Variants in DAB1 observed in about 807,000 individuals in gnomAD.
DAB1 encodes the protein DAB adaptor protein 1, also known as disabled homolog 1.
A neutral mutation model predicts 64.6 loss-of-function variants in DAB1; 15 were observed. The observed-to-expected ratio is 0.23, with a 90% CI of 0.16 to 0.36. The LOEUF is 0.36. DAB1 is among the 10% of genes least tolerant of loss of function. The probability of loss-of-function intolerance (pLI) is 1.00; values close to 1 mark genes in which losing one functional copy is unlikely to be tolerated. For synonymous variants in DAB1, 235 were observed against 251.9 expected, an observed-to-expected ratio of 0.93 and a Z score of 0.64; for missense variants, 596 against 706.7, an observed-to-expected ratio of 0.84 and a Z score of 1.78.
chr1:58,139,131 A>C (rs1229989905), intron 5 of DAB1, among the ~76,000 whole-genome samples: 2 of 152,152 alleles, frequency 1.3e-5, no homozygotes, highest in East Asian at 3.9e-4. Flanking sequence ...GAGAGACCAG[A>C]GCACGAAAAC....
intron 5 of DAB1, among the ~76,000 whole-genome samples, chr1:58,119,848 T>C (rs1282355548): frequency 1.3e-5 from 2 of 152,154 alleles, no homozygotes; most frequent in African/African-American, 2.4e-5. Context: ...GATGCTCCTA[T>C]TTATTTAGTA....
At chr1:58,346,368 C>T (rs749879165) in intron 3 of DAB1, among the ~76,000 whole-genome samples, 29 of 152,196 alleles carry the variant, frequency 1.9e-4, no homozygotes, top group Non-Finnish European at 3.8e-4. Context: ...TGCCGGTGCT[C>T]GTTATTTCAT....
At chr1:57,240,475 G>A (rs1016559020) in intron 2 of DAB1, among the ~76,000 whole-genome samples, 25 of 152,076 alleles carry the variant, frequency 1.6e-4, no homozygotes, top group African/African-American at 5.6e-4. Flanking sequence ...ATCCATATAC[G>A]TCTAGACATA....
At chr1:58,471,847 G>A (rs1281175191) in intron 3 of DAB1, among the ~76,000 whole-genome samples, 1 of 152,062 alleles carries the variant, frequency 6.6e-6, no homozygotes, top group Non-Finnish European at 1.5e-5. Flanking sequence ...AGAAGCTGAT[G>A]CCACCATGCT....
chr1:58,260,563 T>G (rs1307470677), intron 4 of DAB1, among the ~76,000 whole-genome samples: 2 of 152,216 alleles, frequency 1.3e-5, no homozygotes, highest in Non-Finnish European at 2.9e-5. Flanking sequence ...GGCTAGCCAC[T>G]GTTGACCTCC....
chr1:57,404,131 C>A (rs941572564), intron 1 of DAB1, among the ~76,000 whole-genome samples: 3 of 151,788 alleles, frequency 2.0e-5, no homozygotes, highest in Non-Finnish European at 4.4e-5. Flanking sequence ...CTTTAATATA[C>A]AAAGAGAAGG....
intron 2 of DAB1, among the ~76,000 whole-genome samples, chr1:57,276,956 T>G (rs1349476714): frequency 6.6e-6 from 1 of 151,412 alleles, no homozygotes; most frequent in East Asian, 1.9e-4. Context: ...GAAGGAAAGG[T>G]GGAAGGAAAG....
chr1:57,508,742 A>T (rs1365585698), intron 7 of DAB1, among the ~76,000 whole-genome samples: 2 of 152,184 alleles, frequency 1.3e-5, no homozygotes, highest in Non-Finnish European at 2.9e-5. Context: ...ATTCATTTGT[A>T]TGTGAAGCTT....
intron 1 of DAB1, chr1:58,534,307 T>C: frequency 1.2e-6 from 1 of 855,986 alleles, no homozygotes. Context: ...TCAGTTAGCA[T>C]ATCATTTTTA....
At chr1:57,237,293 C>T (rs1328093372) in intron 2 of DAB1, among the ~76,000 whole-genome samples, 3 of 152,126 alleles carry the variant, frequency 2.0e-5, no homozygotes, top group Non-Finnish European at 4.4e-5. Flanking sequence ...ACAACCTGTC[C>T]CCATGGGGAG....
intron 1 of DAB1, among the ~76,000 whole-genome samples, chr1:57,325,423 T>C (rs1264260333): frequency 6.6e-6 from 1 of 152,218 alleles, no homozygotes; most frequent in Non-Finnish European, 1.5e-5. Context: ...TTCTGAACTT[T>C]GGTTTCTCCA....
At chr1:57,186,713 C>A (rs932761903) in intron 2 of DAB1, among the ~76,000 whole-genome samples, 2 of 152,196 alleles carry the variant, frequency 1.3e-5, no homozygotes, top group Admixed American at 1.3e-4. Context: ...ATTTTTCTTC[C>A]AGTACCCACT....
chr1:58,488,285 T>C (rs1484252821), intron 3 of DAB1, among the ~76,000 whole-genome samples: 3 of 152,338 alleles, frequency 2.0e-5, no homozygotes, highest in East Asian at 3.9e-4. Context: ...AATTTTACTA[T>C]ACTATGTTCT....
chr1:57,582,190 A>G (rs1645321486), intron 7 of DAB1, among the ~76,000 whole-genome samples: 1 of 152,224 alleles, frequency 6.6e-6, no homozygotes, highest in Admixed American at 6.5e-5. Context: ...GAGCCTGGAT[A>G]GTTTATAAAC....
chr1:57,069,345 C>A lies in DAB1; in HGVS notation c.663+15G>T, dbSNP rs753651181. 1 of 1,609,060 alleles carries A rather than the reference C, an allele frequency of 6.2e-7. No individual in the cohort carries two copies. Among genetic ancestry groups the A allele is most frequent in the Non-Finnish European group, 8.5e-7 (1 of 1,175,622 alleles). On this transcript the variant is annotated intron_variant, in intron 8 of 14. Transcript: ENST00000371236. ...AGTAGTGGTGCAATGGTAAGAGAGG[C>A]AAGCAATTTTATACCTGATAAATGT...
intron 2 of DAB1, among the ~76,000 whole-genome samples, chr1:57,167,379 T>C (rs180950528): frequency 1.3e-3 from 205 of 152,286 alleles, no homozygotes; most frequent in Non-Finnish European, 2.2e-3. Context: ...TGCCCCCTCC[T>C]TCTTAGAAGA....
chr1:57,572,660 T>A (rs750595730), intron 7 of DAB1, among the ~76,000 whole-genome samples: 6 of 152,164 alleles, frequency 3.9e-5, no homozygotes, highest in Non-Finnish European at 8.8e-5. Flanking sequence ...ATAATTGTAT[T>A]AGGTCATTCT....
chr1:58,343,121 C>T (rs189276749), intron 4 of DAB1, among the ~76,000 whole-genome samples: 18 of 152,300 alleles, frequency 1.2e-4, no homozygotes, highest in African/African-American at 3.6e-4. Context: ...CCCTTTTCCA[C>T]AGGTCTGCAG....
intron 7 of DAB1, among the ~76,000 whole-genome samples, chr1:57,644,325 A>T (rs1008164052): frequency 6.6e-6 from 1 of 152,188 alleles, no homozygotes; most frequent in African/African-American, 2.4e-5. Flanking sequence ...AAAGTAGGCT[A>T]TATCAGGACT....
Sources: allele counts gnomAD v4.1 joint callset (sites outside exome capture counted in the v4.1 genomes callset), GRCh38; gene constraint gnomAD v4.1.1; transcripts MANE v1.5; gene names NCBI Gene and HGNC (gene_info 2026-07-23, HGNC 2026-07-21).